LTBP4: variants seen among roughly 807,000 people sequenced by gnomAD.
LTBP4 encodes the protein latent transforming growth factor beta binding protein 4.
Under a neutral mutation model 180.2 loss-of-function variants are expected in LTBP4, and 93 were observed. The ratio of observed to expected loss-of-function variants is 0.52; its 90% confidence interval spans 0.44 to 0.61. LTBP4 has a LOEUF of 0.61. LTBP4 is among the 20% of genes least tolerant of loss of function. The pLI is 0.00. For missense variants in LTBP4, 2,116 were observed against 2,256.5 expected, an observed-to-expected ratio of 0.94 and a Z score of 1.26; for synonymous variants, 947 against 934.5, an observed-to-expected ratio of 1.01 and a Z score of -0.24.
chr19:40,613,461 C>CTGACGGCTCCTT lies in LTBP4; in HGVS notation c.2492_2503dup (p.Asp831_Phe834dup). 6.3e-7 allele frequency: 1 copy of CTGACGGCTCCTT among 1,598,732 alleles called. No individual in the cohort carries two copies. The highest frequency in any genetic ancestry group is 1.1e-5 in the South Asian group (1 of 88,362). The stretch of plus-strand genomic sequence containing the variant: ...TTCCCTCACGGCGAGTGCCTCAACA[C>CTGACGGCTCCTT]TGACGGCTCCTTTGCCTGTACTTGT... On this transcript the variant is annotated inframe_insertion, in exon 17 of 30. Coordinates refer to ENST00000396819, the MANE Select transcript of LTBP4 (RefSeq NM_001042545.2). This position sits in a 1 kb window ranked among gnomAD's most constrained non-coding sequence, Gnocchi z 5.0.
intron 1 of LTBP4, among the ~76,000 whole-genome samples, chr19:40,603,562 C>T (rs1453300384): frequency 6.6e-6 from 1 of 152,236 alleles, no homozygotes. Flanking sequence ...TAGGTTCCTC[C>T]ATCCCAGAAA....
chr19:40,608,481 C>T lies in LTBP4; in HGVS notation c.1307-3C>T, dbSNP rs778257200. On this transcript the variant is annotated splice_polypyrimidine_tract_variant and splice_region_variant and intron_variant, in intron 8 of 29. Coordinates refer to ENST00000396819, the MANE Select transcript of LTBP4 (RefSeq NM_001042545.2). Reference sequence around the variant, plus strand: ...CCACTCGTTGATACCCCTTCTTTATCAGGCTTTCTGCCCACCCATCGCCTG... The same window carrying T: ...CCACTCGTTGATACCCCTTCTTTATTAGGCTTTCTGCCCACCCATCGCCTG... 1 of 1,600,404 alleles carries T rather than the reference C, an allele frequency of 6.2e-7. No homozygotes were observed.
In LTBP4 at chr19:40,622,630, C is replaced by T. The variant is rs201788846; in HGVS notation, c.3447C>T (p.Ser1149=). Residue 1149 remains serine (S), a synonymous_variant, in exon 23 of 30, where the codon AGC becomes AGT. Coordinates refer to ENST00000396819, the MANE Select transcript of LTBP4 (RefSeq NM_001042545.2). This position sits in a 1 kb window ranked among gnomAD's most constrained non-coding sequence, Gnocchi z 5.1. The stretch of plus-strand genomic sequence containing the variant: ...GTACTGTGGGTGAGGGCTGGGGCAG[C>T]GGCTGCCGCATCCAGCAGTGCCCGG... ...CCCTVGEGWG[S]GCRIQQCPGT... 3.8e-4 allele frequency: 606 copies of T among 1,607,788 alleles called. 1 individual carries two copies. The highest frequency in any genetic ancestry group is 3.1e-3 in the African/African-American group (229 of 74,806).
chr19:40,627,439 G>A, intron 28 of LTBP4, 84 bp downstream of exon 28: 9 of 1,425,850 alleles, frequency 6.3e-6, no homozygotes, highest in Non-Finnish European at 8.3e-6. Flanking sequence ...GAAGGCGGGA[G>A]GAGAGACGGA....
rs2081485439 is a variant in LTBP4 at position 40,609,016 on chromosome 19, G to A, written c.1426+413G>A. On this transcript the variant is annotated intron_variant, in intron 9 of 29. Coordinates refer to ENST00000396819, the MANE Select transcript of LTBP4 (RefSeq NM_001042545.2). The surrounding 1 kb of genome is among the most constrained non-coding windows in gnomAD (Gnocchi z 4.9). ...AGGTTACAGCAAATAGGAATGGTAT[G>A]GGCAGAGATAAGCGTTTGAAGGGTT... The A allele has an allele frequency of 5.1e-6, 1 of 195,258 alleles. No homozygotes were observed. Among genetic ancestry groups the A allele is most frequent in the South Asian group, 9.1e-5 (1 of 11,022 alleles). 12.1% of individuals were successfully genotyped at this position (195,258 alleles called of 1,614,324 possible).
rs1170021809 is a variant in LTBP4, at chr19:40,605,477, G to C, written c.515G>C (p.Arg172Pro). ...EASVVVHQVE[R>P]VSGPWEEADA... ...TCGGTGGTGGTGCACCAGGTGGAGC[G>C]TGTGTCTGGCCCTTGGGAGGAGGCG... Residue 172 changes from arginine to proline, a missense_variant, in exon 3 of 30, where the codon CGT (arginine) becomes CCT (proline). Transcript: ENST00000396819. The surrounding 1 kb of genome is among the most constrained non-coding windows in gnomAD (Gnocchi z 5.5). 1.9e-6 allele frequency: 3 copies of C among 1,612,150 alleles called. No homozygotes were observed. Among genetic ancestry groups the C allele is most frequent in the Non-Finnish European group, 2.5e-6 (3 of 1,179,840 alleles).
chr19:40,622,258 G>A lies in LTBP4; in HGVS notation c.3218-143G>A, dbSNP rs181853186. On this transcript the variant is annotated intron_variant, in intron 22 of 29. Coordinates refer to ENST00000396819, the MANE Select transcript of LTBP4 (RefSeq NM_001042545.2). This position sits in a 1 kb window ranked among gnomAD's most constrained non-coding sequence, Gnocchi z 5.1. ...GAAAGAGAAACAGTGACAGAGGAGC[G>A]TGAGAGGTGTGGAGTCTGGTTCTGC... is the stretch of plus-strand genomic sequence containing the variant. The A allele has an allele frequency of 9.7e-6, 8 of 829,004 alleles. No individual in the cohort carries two copies. The highest frequency in any genetic ancestry group is 5.2e-5 in the African/African-American group (3 of 57,986). The allele number at this position is 829,004 out of a possible 1,614,324, so 51.4% of individuals were successfully genotyped here. A position where few individuals can be genotyped will look rare whatever the true frequency, so the allele number is the denominator to read the frequency against.
chr19:40,616,778 T>C (rs1441507518), intron 19 of LTBP4, 111 bp from the exon 20 acceptor site: 2 of 1,274,120 alleles, frequency 1.6e-6, no homozygotes, highest in Non-Finnish European at 1.1e-6. Context: ...AAGCTCAGGC[T>C]CCTAGAATAC....
chr19:40,610,077 C>T, intron 11 of LTBP4: 1 of 645,394 alleles, frequency 1.5e-6, no homozygotes. Flanking sequence ...AGCTCCCAAA[C>T]TGCCAGTTTC....
chr19:40,612,579 CTT>C (rs1665122427), intron 15 of LTBP4, among the ~76,000 whole-genome samples: 2 of 152,306 alleles, frequency 1.3e-5, no homozygotes, highest in Non-Finnish European at 2.9e-5. Context: ...GGTCCTATCT[CTT>C]TCACAGCCCC....
In LTBP4 at chr19:40,623,665, G is replaced by C; in HGVS notation, c.3618G>C (p.Thr1206=). The C allele has an allele frequency of 6.2e-7, 1 of 1,613,684 alleles. No homozygotes were observed. Among genetic ancestry groups the C allele is most frequent in the Non-Finnish European group, 8.5e-7 (1 of 1,179,842 alleles). The change falls in exon 25 of 30, where the codon ACG becomes ACC. Residue 1206 remains threonine, a synonymous_variant. Coordinates refer to ENST00000396819, the MANE Select transcript of LTBP4 (RefSeq NM_001042545.2). ...GCAAGAGTGGCGTGTGTGTGAACAC[G>C]GCCCCGGGCTACTCATGCTATTGCA... The part of the protein sequence containing the change: ...QVCKSGVCVN[T]APGYSCYCSN...
chr19:40,625,316 A>ATATATATATT lies in LTBP4; in HGVS notation c.3833-540_3833-539insATATATATTT, dbSNP rs1568414647. Among the ~76,000 whole-genome samples, 76 of 21,930 alleles carry ATATATATATT rather than the reference A, an allele frequency of 3.5e-3. 17 individuals carry two copies. Among genetic ancestry groups the ATATATATATT allele is most frequent in the Non-Finnish European group, 5.6e-3 (71 of 12,650 alleles). 14.4% of individuals were successfully genotyped at this position (21,930 alleles called of 152,430 possible). Reference sequence around the variant, plus strand: ...TATATATATATATATATATATATATATTTTTTTTTTTAAAGATGGGTTTTT... The same window carrying ATATATATATT: ...TATATATATATATATATATATATATATATATATATTTTTTTTTTTTTAAAGATGGGTTTTT... On this transcript the variant is annotated intron_variant, in intron 26 of 29. Transcript: ENST00000396819.
At position 40,613,727 on chromosome 19, in the gene LTBP4, TG is replaced by T. The variant is rs755509119; in HGVS notation, c.2558-187del. On this transcript the variant is annotated intron_variant, in intron 17 of 29. Transcript: ENST00000396819. This position sits in a 1 kb window ranked among gnomAD's most constrained non-coding sequence, Gnocchi z 5.0. Reference sequence around the variant, plus strand: ...GATGAAAGGGCCGAGTCTGGGTATTTGGACCGTGATTGTAAAGAAGCTGTTC... The same window carrying T: ...GATGAAAGGGCCGAGTCTGGGTATTTGACCGTGATTGTAAAGAAGCTGTTC... 6 of 1,215,724 alleles carry T rather than the reference TG, an allele frequency of 4.9e-6. No homozygotes were observed. Among genetic ancestry groups the T allele is most frequent in the Non-Finnish European group, 5.8e-6 (5 of 861,058 alleles). The allele number at this position is 1,215,724 out of a possible 1,614,324, so 75.3% of individuals were successfully genotyped here.
Position 40,601,816 on chromosome 19 carries a change from T to A in LTBP4, c.250+179T>A, listed in dbSNP as rs78802363. 1.6e-4 allele frequency among the ~76,000 whole-genome samples: 24 copies of A among 152,258 alleles called. No individual in the cohort carries two copies. The East Asian group carries it at 4.3e-3, about 27-fold the overall frequency. On this transcript the variant is annotated intron_variant, in intron 1 of 29. Transcript: ENST00000396819. ...ATTCCTGGCTTTTGGGGTTGGGTCC[T>A]GAGGGTTCCGATTTTGCAAGCAATG...
At position 40,609,912 on chromosome 19, in the gene LTBP4, G is replaced by GTC; in HGVS notation, c.1684+44_1684+45dup. ...CACCCGGCTCCAGGCCCACCCCAGG[G>GTC]TCTCGCTCCTGCTCTCACTCCAGAG... On this transcript the variant is annotated intron_variant, in intron 11 of 29. Coordinates refer to ENST00000396819, the MANE Select transcript of LTBP4 (RefSeq NM_001042545.2). The surrounding 1 kb of genome is among the most constrained non-coding windows in gnomAD (Gnocchi z 4.9). The GTC allele has an allele frequency of 6.7e-7, 1 of 1,489,694 alleles. No individual in the cohort carries two copies. 92.3% of individuals were successfully genotyped at this position (1,489,694 alleles called of 1,614,324 possible).
Position 40,629,496 on chromosome 19 carries a change from A to G in LTBP4, c.4620A>G (p.Gly1540=), listed in dbSNP as rs1189175092. The G allele has an allele frequency of 6.2e-7, 1 of 1,604,552 alleles. No individual in the cohort carries two copies. Among genetic ancestry groups the G allele is most frequent in the Admixed American group, 1.7e-5 (1 of 59,712 alleles). ...DGSFRCICRP[G]FAPTHQPHHC... is the part of the protein sequence containing the mutation. ...CCTTCCGCTGCATCTGCCGCCCGGG[A>G]TTCGCACCCACGCACCAGCCGCACC... The change falls in exon 30 of 30, where the codon GGA becomes GGG. Residue 1540 remains glycine (G), a synonymous_variant. Transcript: ENST00000396819. This position sits in a 1 kb window ranked among gnomAD's most constrained non-coding sequence, Gnocchi z 4.5.
At position 40,622,489 on chromosome 19, in the gene LTBP4, C is replaced by T; in HGVS notation, c.3306C>T (p.Ser1102=). The change falls in exon 23 of 30, where the codon AGC becomes AGT. Residue 1102 remains serine (S), a synonymous_variant. Coordinates refer to ENST00000396819, the MANE Select transcript of LTBP4 (RefSeq NM_001042545.2). This position sits in a 1 kb window ranked among gnomAD's most constrained non-coding sequence, Gnocchi z 5.1. ...PPPPPLPRRP[S]TPRQGPVGSG... ...CGCCACCCCTGCCCCGCCGACCCAG[C>T]ACACCTAGGCAGGGCCCTGTGGGGA... 1 of 1,611,888 alleles carries T rather than the reference C, an allele frequency of 6.2e-7. No homozygotes were observed. The highest frequency in any genetic ancestry group is 8.5e-7 in the Non-Finnish European group (1 of 1,178,632).
rs1202064608 is a variant in LTBP4, at chr19:40,608,104, C to T, written c.1157-116C>T. ...CACCACCCCATCCCAGCCTCCAGCTCAAACCCCTGACACTCTCCAGCCAAG... is the reference window on the plus strand; with the variant it reads ...CACCACCCCATCCCAGCCTCCAGCTTAAACCCCTGACACTCTCCAGCCAAG... On this transcript the variant is annotated intron_variant, in intron 7 of 29. Transcript: ENST00000396819. 2.6e-6 allele frequency: 3 copies of T among 1,156,738 alleles called. No homozygotes were observed. In the African/African-American group the frequency reaches 4.6e-5, roughly 18 times the overall value. 71.7% of individuals were successfully genotyped at this position (1,156,738 alleles called of 1,614,324 possible). A position where few individuals can be genotyped will look rare whatever the true frequency, so the allele number is the denominator to read the frequency against.
At position 40,612,133 on chromosome 19, in the gene LTBP4, G is replaced by C. The variant is rs753793657; in HGVS notation, c.2240G>C (p.Gly747Ala). The change falls in exon 15 of 30, where the codon GGC becomes GCC. Residue 747 changes from glycine to alanine, a missense_variant. Gly to Ala is a moderately conservative substitution (Grantham distance 60). This residue lies in a region of LTBP4 where 877 missense variants were observed against 873.6 expected (regional missense o/e 1.00). Transcript: ENST00000396819. ...GGGCAGGAGTGTGTGAACTCGCCCG[G>C]CTCCTTCCAGTGCAGGACCTGTCCT... Reference protein sequence around the residue: ...CPGQECVNSPGSFQCRTCPSG... With the variant: ...CPGQECVNSPASFQCRTCPSG... The C allele has an allele frequency of 6.2e-6, 10 of 1,613,180 alleles. No individual in the cohort carries two copies. The highest frequency in any genetic ancestry group is 6.8e-6 in the Non-Finnish European group (8 of 1,179,678).
Sources: gnomAD v4.1 joint callset for allele counts (sites outside exome capture counted in the v4.1 genomes callset) on GRCh38, gnomAD v4.1.1 for gene constraint, gnomAD v4.1.1 regional missense constraint, Gnocchi (gnomAD v3.1) non-coding constraint, MANE v1.5 for transcripts, NCBI Gene and HGNC (gene_info 2026-07-23, HGNC 2026-07-21) for gene names.